CERKL: variants seen among roughly 807,000 people sequenced by gnomAD.
CERKL encodes the protein CERK like autophagy regulator.
CERKL carries 61 observed loss-of-function variants against 63.4 expected under a neutral mutation model. The observed-to-expected ratio is 0.96, with a 90% CI of 0.78 to 1.19. The LOEUF is 1.19. CERKL is among the 50% of genes most tolerant of loss of function. The probability of loss-of-function intolerance (pLI) is 0.00; values close to 1 mark genes in which losing one functional copy is unlikely to be tolerated. For missense variants in CERKL, 675 were observed against 655.5 expected (o/e 1.03, Z -0.33); for synonymous variants, 250 against 230.5 (o/e 1.08, Z -0.77).
At chr2:181,571,759 A>T (rs1688913137) in intron 3 of CERKL, among the ~76,000 whole-genome samples, 2 of 152,160 alleles carry the variant, frequency 1.3e-5, no homozygotes, top group Non-Finnish European at 2.9e-5. Context: ...CATTTCAGTC[A>T]TCAGGAAAAG....
intron 5 of CERKL, among the ~76,000 whole-genome samples, chr2:181,557,274 G>A (rs1473779624): frequency 6.6e-6 from 1 of 152,104 alleles, no homozygotes; most frequent in Non-Finnish European, 1.5e-5. Flanking sequence ...TTTGGCTTTT[G>A]TTGCCATTGC....
chr2:181,648,113 TAATGA>T (rs1298189768), intron 1 of CERKL, among the ~76,000 whole-genome samples: 1 of 152,136 alleles, frequency 6.6e-6, no homozygotes, highest in African/African-American at 2.4e-5. Context: ...AAAACCTATT[TAATGA>T]AATAATAGCT....
At chr2:181,561,625 T>C (rs1180034084) in intron 4 of CERKL, among the ~76,000 whole-genome samples, 1 of 152,062 alleles carries the variant, frequency 6.6e-6, no homozygotes, top group African/African-American at 2.4e-5. Flanking sequence ...CTATAGAGAA[T>C]CTCCTTCCCT....
chr2:181,652,161 T>G (rs759814252), intron 1 of CERKL, among the ~76,000 whole-genome samples: 2 of 141,410 alleles, frequency 1.4e-5, no homozygotes, highest in Non-Finnish European at 3.0e-5. Context: ...TGAAAATTCA[T>G]GCAGAACCAC....
At chr2:181,553,579 C>G (rs563456834) in intron 5 of CERKL, among the ~76,000 whole-genome samples, 1 of 152,088 alleles carries the variant, frequency 6.6e-6, no homozygotes, top group Non-Finnish European at 1.5e-5. Context: ...TGGGTATGCC[C>G]AAGTACAAAA....
chr2:181,623,104 A>G (rs1180850795), intron 1 of CERKL, among the ~76,000 whole-genome samples: 5 of 152,210 alleles, frequency 3.3e-5, no homozygotes, highest in African/African-American at 4.8e-5. Flanking sequence ...ACTATCTTGT[A>G]TTTTCGATTC....
At chr2:181,597,311 A>G (rs549925758) in intron 2 of CERKL, among the ~76,000 whole-genome samples, 1 of 152,346 alleles carries the variant, frequency 6.6e-6, no homozygotes, top group South Asian at 2.1e-4. Flanking sequence ...ACAATCCTTT[A>G]AAGACTTAAC....
Position 181,537,405 on chromosome 2 carries a change from A to C in CERKL, c.*779T>G, listed in dbSNP as rs954362316. The C allele has an allele frequency of 2.2e-6, 1 of 450,236 alleles. No individual in the cohort carries two copies. Among genetic ancestry groups the C allele is most frequent in the Non-Finnish European group, 4.5e-6 (1 of 224,144 alleles). The allele number at this position is 450,236 out of a possible 1,614,324, so 27.9% of individuals were successfully genotyped here. The stretch of plus-strand genomic sequence containing the variant: ...TGGGCTAGATTTTGCCCAGTTCAAA[A>C]TAGTATTTGTTATCAACTTACTTTG... On this transcript the variant is annotated 3_prime_UTR_variant, in exon 13 of 13. Coordinates refer to ENST00000410087, the MANE Select transcript of CERKL (RefSeq NM_201548.5).
intron 1 of CERKL, among the ~76,000 whole-genome samples, chr2:181,619,357 C>T (rs1448508776): frequency 6.6e-6 from 1 of 151,492 alleles, no homozygotes. Flanking sequence ...AGTTCAGCTA[C>T]ACAGATCAGT....
rs183485253 is a variant in CERKL at position 181,649,301 on chromosome 2, G to C, written c.238+7468C>G. On this transcript the variant is annotated intron_variant, in intron 1 of 12. Coordinates refer to ENST00000410087, the MANE Select transcript of CERKL (RefSeq NM_201548.5). ...GACTTTAAGTCAAAAACTGTAAAAA[G>C]AGACAAAGAAGGTCATAATATGATA... Among the ~76,000 whole-genome samples the C allele has an allele frequency of 8.8e-4, 134 of 152,190 alleles. 1 individual carries two copies. Among genetic ancestry groups the C allele is most frequent in the African/African-American group, 3.1e-3 (130 of 41,532 alleles).
intron 2 of CERKL, among the ~76,000 whole-genome samples, chr2:181,598,995 T>A (rs2105887478): frequency 6.6e-6 from 1 of 152,292 alleles, no homozygotes; most frequent in South Asian, 2.1e-4. Context: ...AGTGTCTTCA[T>A]ACCTCCAAAG....
At chr2:181,589,327 T>G (rs1684892039) in intron 2 of CERKL, among the ~76,000 whole-genome samples, 1 of 152,158 alleles carries the variant, frequency 6.6e-6, no homozygotes, top group Non-Finnish European at 1.5e-5. Flanking sequence ...AGTTCAAGAT[T>G]TATTGGCAGC....
intron 1 of CERKL, among the ~76,000 whole-genome samples, chr2:181,623,413 T>G (rs1460230223): frequency 6.6e-6 from 1 of 152,226 alleles, no homozygotes; most frequent in Non-Finnish European, 1.5e-5. Context: ...GTATTTCACA[T>G]ATCCCTAATA....
chr2:181,630,228 C>A (rs75952542), intron 1 of CERKL, among the ~76,000 whole-genome samples: 1 of 151,958 alleles, frequency 6.6e-6, no homozygotes, highest in Admixed American at 6.6e-5. Flanking sequence ...CCTGCCCCCC[C>A]AGAGTCGGGG....
rs1685653159 is a variant in CERKL, at chr2:181,605,858, T to C, written c.239-1779A>G. 2.6e-5 allele frequency among the ~76,000 whole-genome samples: 4 copies of C among 152,264 alleles called. No homozygotes were observed. In the South Asian group the frequency reaches 8.3e-4, roughly 32 times the overall value. On this transcript the variant is annotated intron_variant, in intron 1 of 12. Transcript: ENST00000410087. Reference sequence around the variant, plus strand: ...TCTCTCAGCTTTTTAGTCCTTGAAGTATGAACAATGTTATCCTCCGATTGG... The same window carrying C: ...TCTCTCAGCTTTTTAGTCCTTGAAGCATGAACAATGTTATCCTCCGATTGG...
At chr2:181,648,857 T>G (rs1331927877) in intron 1 of CERKL, among the ~76,000 whole-genome samples, 15 of 152,190 alleles carry the variant, frequency 9.9e-5, no homozygotes, top group Admixed American at 9.8e-4. Flanking sequence ...TTAAAATAGT[T>G]TATTATAACT....
intron 1 of CERKL, among the ~76,000 whole-genome samples, chr2:181,614,093 T>C (rs759477620): frequency 6.0e-5 from 9 of 150,616 alleles, no homozygotes; most frequent in Non-Finnish European, 1.2e-4. Context: ...GAAGTTCTTA[T>C]ATGAGGAGTG....
At position 181,550,172 on chromosome 2, in the gene CERKL, AT is replaced by A. The variant is rs1687924996; in HGVS notation, c.821-465del. 1.3e-5 allele frequency among the ~76,000 whole-genome samples: 2 copies of A among 152,338 alleles called. No homozygotes were observed. Among genetic ancestry groups the A allele is most frequent in the South Asian group, 4.1e-4 (2 of 4,830 alleles). ...ATAAAATAACTACAAACTACAAAAA[AT>A]ATGCTCTAAACACATTTAATGAATC... On this transcript the variant is annotated intron_variant, in intron 5 of 12. Transcript: ENST00000410087. The surrounding 1 kb of genome is among the most constrained non-coding windows in gnomAD (Gnocchi z 4.5).
chr2:181,629,011 T>C (rs1235651585), intron 1 of CERKL, among the ~76,000 whole-genome samples: 2 of 152,196 alleles, frequency 1.3e-5, no homozygotes, highest in Non-Finnish European at 2.9e-5. Flanking sequence ...AGAAGATTTT[T>C]CAAAAAGCAG....
Sources: gnomAD v4.1 joint callset for allele counts (sites outside exome capture counted in the v4.1 genomes callset) on GRCh38, gnomAD v4.1.1 for gene constraint, Gnocchi (gnomAD v3.1) non-coding constraint, MANE v1.5 for transcripts, NCBI Gene and HGNC (gene_info 2026-07-23, HGNC 2026-07-21) for gene names.